KAZN: variants seen among roughly 807,000 people sequenced by gnomAD.
KAZN encodes kazrin, periplakin interacting protein.
A neutral mutation model predicts 87.4 loss-of-function variants in KAZN; 40 were observed. The ratio of observed to expected loss-of-function variants is 0.46; its 90% CI spans 0.36 to 0.60. KAZN has a LOEUF of 0.60. KAZN is among the 20% of genes least tolerant of loss of function. The pLI is 0.00. For synonymous variants in KAZN, 466 were observed against 458.3 expected (o/e 1.02, Z -0.22); for missense variants, 898 against 1,073.9 (o/e 0.84, Z 2.29).
At chr1:14,791,743 C>CCGGG (rs1322824142) in intron 1 of KAZN, among the ~76,000 whole-genome samples, 1 of 152,194 alleles carries the variant, frequency 6.6e-6, no homozygotes, top group African/African-American at 2.4e-5. Flanking sequence ...TTGCAGAGAG[C>CCGGG]AGCTCCCGGC....
At chr1:14,161,477 G>GCA (rs1645708404) in intron 1 of KAZN, among the ~76,000 whole-genome samples, 1 of 152,194 alleles carries the variant, frequency 6.6e-6, no homozygotes, top group Non-Finnish European at 1.5e-5. Context: ...TTACCATGTG[G>GCA]ACCTTTTTAC....
At chr1:13,933,346 G>A (rs1034509593) in intron 1 of KAZN, among the ~76,000 whole-genome samples, 8 of 152,072 alleles carry the variant, frequency 5.3e-5, no homozygotes, top group African/African-American at 1.9e-4. Flanking sequence ...TACAAAATTA[G>A]CCAGGCGTGG....
chr1:14,555,264 A>G lies in KAZN; in HGVS notation c.250-43719A>G, dbSNP rs1158570779. 1.3e-5 allele frequency among the ~76,000 whole-genome samples: 2 copies of G among 152,354 alleles called. 1 individual carries two copies. The highest frequency in any genetic ancestry group is 4.1e-4 in the South Asian group (2 of 4,834). ...ATCCACACGTGCACCCTTGATGCCT[A>G]CAGATTTTAGGAAGTGACTCAAGGC... On this transcript the variant is annotated intron_variant, in intron 2 of 16. Transcript: ENST00000636203.
At chr1:14,568,447 G>T (rs55633715) in intron 2 of KAZN, among the ~76,000 whole-genome samples, 9,981 of 152,198 alleles carry the variant, frequency 0.066, 356 homozygotes, top group Non-Finnish European at 0.075. Flanking sequence ...GGCCGGAGAG[G>T]CTTCACAATC....
chr1:13,951,531 C>A (rs1235015161), intron 1 of KAZN, among the ~76,000 whole-genome samples: 4 of 151,920 alleles, frequency 2.6e-5, no homozygotes, highest in Non-Finnish European at 5.9e-5. Context: ...GGAGATGACT[C>A]ACGTGGTCTT....
At chr1:14,105,588 C>T (rs1644352074) in intron 1 of KAZN, among the ~76,000 whole-genome samples, 1 of 152,188 alleles carries the variant, frequency 6.6e-6, no homozygotes, top group South Asian at 2.1e-4. Context: ...TCTTGGAACC[C>T]CTGTCCAAAG....
chr1:14,157,057 C>T lies in KAZN; in HGVS notation c.92-23378C>T, dbSNP rs531203125. 5.3e-4 allele frequency among the ~76,000 whole-genome samples: 81 copies of T among 151,924 alleles called. No individual in the cohort carries two copies. The South Asian group carries it at 7.5e-3, about 14-fold the overall frequency. On this transcript the variant is annotated intron_variant, in intron 1 of 16. Transcript: ENST00000636203. ...GAGACTTGCAAGTACTATCTTATAA[C>T]TCATTATTTTAAGCTGATAACAGCA...
intron 4 of KAZN, among the ~76,000 whole-genome samples, chr1:15,049,306 C>G (rs116516685): frequency 2.6e-5 from 4 of 152,244 alleles, no homozygotes; most frequent in Non-Finnish European, 5.9e-5. Flanking sequence ...TCGCTGCTGA[C>G]GAGCGCGGCT....
At chr1:14,245,837 C>G (rs921313452) in intron 2 of KAZN, among the ~76,000 whole-genome samples, 1 of 151,932 alleles carries the variant, frequency 6.6e-6, no homozygotes, top group Non-Finnish European at 1.5e-5. Flanking sequence ...GGGTATATAC[C>G]CAAAGGAATA....
At chr1:14,325,483 T>A (rs1656345015) in intron 2 of KAZN, among the ~76,000 whole-genome samples, 1 of 152,172 alleles carries the variant, frequency 6.6e-6, no homozygotes, top group Non-Finnish European at 1.5e-5. Flanking sequence ...ACAGCTGATC[T>A]ATAAGACACC....
intron 8 of KAZN, among the ~76,000 whole-genome samples, chr1:15,082,180 G>A (rs1288469259): frequency 2.6e-5 from 4 of 152,070 alleles, no homozygotes; most frequent in Non-Finnish European, 5.9e-5. Context: ...CCTATCTGAG[G>A]TCTGAGACCC....
intron 2 of KAZN, among the ~76,000 whole-genome samples, chr1:14,390,123 A>G (rs1173996033): frequency 2.6e-5 from 4 of 152,240 alleles, no homozygotes; most frequent in Non-Finnish European, 4.4e-5. Flanking sequence ...AAACAAAATC[A>G]GCTACATGTA....
intron 1 of KAZN, among the ~76,000 whole-genome samples, chr1:14,125,042 C>G (rs1462173948): frequency 1.3e-5 from 2 of 152,238 alleles, no homozygotes; most frequent in South Asian, 2.1e-4. Flanking sequence ...GTAGCAAGAT[C>G]GGATCATCCA....
At chr1:14,934,016 T>G (rs368306116) in intron 1 of KAZN, among the ~76,000 whole-genome samples, 1 of 151,436 alleles carries the variant, frequency 6.6e-6, no homozygotes, top group African/African-American at 2.4e-5. Flanking sequence ...CCACTACGCC[T>G]GGCTATTTTT....
intron 2 of KAZN, among the ~76,000 whole-genome samples, chr1:14,968,799 T>C (rs1458172571): frequency 6.6e-5 from 10 of 152,216 alleles, no homozygotes; most frequent in Non-Finnish European, 5.9e-5. Flanking sequence ...TTTAATTTGC[T>C]CATTCACCAA....
intron 2 of KAZN, among the ~76,000 whole-genome samples, chr1:14,311,862 A>T (rs1557632419): frequency 6.6e-6 from 1 of 152,250 alleles, no homozygotes; most frequent in East Asian, 1.9e-4. Flanking sequence ...AGGCATGACC[A>T]TGTGGCTAAT....
chr1:14,957,675 T>C (rs1663299627), intron 1 of KAZN, among the ~76,000 whole-genome samples: 1 of 151,944 alleles, frequency 6.6e-6, no homozygotes, highest in Non-Finnish European at 1.5e-5. Flanking sequence ...AAGGAAATCA[T>C]GAAGAGGGGA....
intron 1 of KAZN, among the ~76,000 whole-genome samples, chr1:14,903,482 G>A (rs1656161884): frequency 6.6e-6 from 1 of 152,176 alleles, no homozygotes; most frequent in Non-Finnish European, 1.5e-5. Context: ...GCCAGAGGGG[G>A]CACACTTTGC....
intron 1 of KAZN, among the ~76,000 whole-genome samples, chr1:14,644,169 G>A (rs564647595): frequency 3.3e-5 from 5 of 150,306 alleles, no homozygotes; most frequent in East Asian, 4.0e-4. Flanking sequence ...CCACCACCAC[G>A]CCCAGCTACT....
Sources: gnomAD v4.1 joint callset for allele counts (sites outside exome capture counted in the v4.1 genomes callset) on GRCh38, gnomAD v4.1.1 for gene constraint, MANE v1.5 for transcripts, NCBI Gene and HGNC (gene_info 2026-07-23, HGNC 2026-07-21) for gene names.